The following CNTN4 variants were observed in gnomAD, a reference collection of about 807,000 sequenced individuals.
CNTN4 encodes the protein contactin 4.
In CNTN4, 77 loss-of-function variants were observed where a neutral mutation model predicts 122.5. The observed-to-expected ratio is 0.63, with a 90% confidence interval of 0.52 to 0.76. The LOEUF (loss-of-function observed/expected upper bound fraction) is 0.76, where lower values mean the gene tolerates loss of function less well. CNTN4 is among the 30% of genes least tolerant of loss of function. The probability of loss-of-function intolerance (pLI) is 0.00; values close to 1 mark genes in which losing one functional copy is unlikely to be tolerated. For missense variants in CNTN4, 1,256 were observed against 1,259.1 expected (o/e 1.00, Z 0.04); for synonymous variants, 512 against 447.0 (o/e 1.15, Z -1.83).
In CNTN4 at chr3:2,869,292, T is replaced by G. The variant is rs373936677; in HGVS notation, c.652+2343T>G. Among the ~76,000 whole-genome samples, 6 of 152,008 alleles carry G rather than the reference T, an allele frequency of 3.9e-5. No homozygotes were observed. In the East Asian group the frequency reaches 9.6e-4, roughly 24 times the overall value. On this transcript the variant is annotated intron_variant, in intron 8 of 24. Coordinates refer to ENST00000418658, the MANE Select transcript of CNTN4 (RefSeq NM_175607.3). The stretch of plus-strand genomic sequence containing the variant: ...ACTGGAAATCCAATCAGAATACTAC[T>G]GCAATTAATTCAGTTGGGAAATGAT...
intron 2 of CNTN4, among the ~76,000 whole-genome samples, chr3:2,291,925 G>A (rs868668741): frequency 2.0e-5 from 3 of 151,954 alleles, no homozygotes; most frequent in Non-Finnish European, 4.4e-5. Context: ...TAGTGGAGAT[G>A]GGGTTTCACC....
intron 13 of CNTN4, among the ~76,000 whole-genome samples, chr3:2,949,486 G>A (rs1470817206): frequency 2.0e-5 from 3 of 152,150 alleles, no homozygotes; most frequent in African/African-American, 7.2e-5. Flanking sequence ...TTTTTTCAGT[G>A]CCAAGTGCTC....
chr3:2,318,168 C>A (rs2043172475), intron 2 of CNTN4, among the ~76,000 whole-genome samples: 1 of 147,998 alleles, frequency 6.8e-6, no homozygotes, highest in Non-Finnish European at 1.5e-5. Flanking sequence ...GTGATGATTG[C>A]AACTGTGAAT....
intron 3 of CNTN4, among the ~76,000 whole-genome samples, chr3:2,340,685 TTATATATA>T (rs373402290): frequency 6.8e-4 from 20 of 29,622 alleles, no homozygotes; most frequent in East Asian, 2.5e-3. Flanking sequence ...GTCATAAATT[TTATATATA>T]TATATATATA....
intron 2 of CNTN4, among the ~76,000 whole-genome samples, chr3:2,224,550 T>C (rs2039193165): frequency 6.6e-6 from 1 of 152,204 alleles, no homozygotes; most frequent in Admixed American, 6.5e-5. Flanking sequence ...TCATATATTT[T>C]TGCCATGAGT....
At chr3:2,122,652 G>T (rs1053920411) in intron 2 of CNTN4, among the ~76,000 whole-genome samples, 1 of 152,134 alleles carries the variant, frequency 6.6e-6, no homozygotes, top group African/African-American at 2.4e-5. Flanking sequence ...ATACTGTATT[G>T]TACATTTAAA....
chr3:3,038,872 C>T, intron 18 of CNTN4, 61 bp from the exon 19 acceptor site: 1 of 1,435,532 alleles, frequency 7.0e-7, no homozygotes, highest in Non-Finnish European at 9.8e-7. Context: ...GCCAGGCAAC[C>T]TTCCTGGCCC....
chr3:2,559,892 G>A (rs1354077846), intron 3 of CNTN4, among the ~76,000 whole-genome samples: 1 of 152,160 alleles, frequency 6.6e-6, no homozygotes, highest in Non-Finnish European at 1.5e-5. Context: ...CATGATAGCA[G>A]GACTGAACTT....
At chr3:2,516,844 G>A (rs1001958570) in intron 3 of CNTN4, among the ~76,000 whole-genome samples, 4 of 152,046 alleles carry the variant, frequency 2.6e-5, no homozygotes, top group Non-Finnish European at 5.9e-5. Context: ...TGGCACAGGG[G>A]ACTAAAGGAG....
intron 2 of CNTN4, among the ~76,000 whole-genome samples, chr3:2,327,813 T>A (rs538635873): frequency 6.6e-6 from 1 of 152,240 alleles, no homozygotes; most frequent in Non-Finnish European, 1.5e-5. Context: ...TCATGTAGAA[T>A]CTCCTGTTTC....
At chr3:2,552,490 A>G (rs1376267663) in intron 3 of CNTN4, among the ~76,000 whole-genome samples, 2 of 152,212 alleles carry the variant, frequency 1.3e-5, no homozygotes, top group Non-Finnish European at 2.9e-5. Context: ...AGCAAAATTT[A>G]AAAACATGTG....
chr3:2,616,858 T>C (rs1329550467), intron 4 of CNTN4, among the ~76,000 whole-genome samples: 3 of 152,128 alleles, frequency 2.0e-5, no homozygotes, highest in African/African-American at 7.2e-5. Context: ...CCATTTGATC[T>C]TCAACAAACC....
chr3:2,650,758 A>G (rs1351613106), intron 4 of CNTN4, among the ~76,000 whole-genome samples: 4 of 152,188 alleles, frequency 2.6e-5, no homozygotes, highest in Non-Finnish European at 5.9e-5. Context: ...ATTTTAAGTT[A>G]TGTACATTGT....
chr3:2,612,107 T>TACACACACACACACAC (rs58025362), intron 4 of CNTN4, among the ~76,000 whole-genome samples: 4 of 150,106 alleles, frequency 2.7e-5, no homozygotes. Context: ...ATACATATAA[T>TACACACACACACACAC]ACACACACAC....
chr3:2,994,242 A>T (rs976664249), intron 14 of CNTN4, among the ~76,000 whole-genome samples: 12 of 151,608 alleles, frequency 7.9e-5, no homozygotes, highest in African/African-American at 2.7e-4. Context: ...TTTTATTTTG[A>T]AATTGACTAT....
chr3:2,443,989 C>A (rs1287010528), intron 3 of CNTN4, among the ~76,000 whole-genome samples: 1 of 152,026 alleles, frequency 6.6e-6, no homozygotes, highest in Non-Finnish European at 1.5e-5. Context: ...GTCAGGAAAC[C>A]CTTTTTAACC....
chr3:2,639,629 G>A (rs920644369), intron 4 of CNTN4, among the ~76,000 whole-genome samples: 22 of 152,148 alleles, frequency 1.4e-4, no homozygotes, highest in African/African-American at 5.1e-4. Context: ...TGAGAATAGT[G>A]CCTGGCACAC....
At chr3:2,990,713 C>G (rs539297771) in intron 14 of CNTN4, among the ~76,000 whole-genome samples, 3 of 152,112 alleles carry the variant, frequency 2.0e-5, no homozygotes, top group Non-Finnish European at 2.9e-5. Context: ...GGATTAAATA[C>G]GTTATAGTTG....
chr3:2,316,267 A>G (rs1032913941), intron 2 of CNTN4, among the ~76,000 whole-genome samples: 11 of 152,086 alleles, frequency 7.2e-5, no homozygotes, highest in African/African-American at 2.4e-4. Flanking sequence ...TGATCTCTAT[A>G]TATTAATTCA....
Sources: gnomAD v4.1 joint callset for allele counts (sites outside exome capture counted in the v4.1 genomes callset) on GRCh38, gnomAD v4.1.1 for gene constraint, MANE v1.5 for transcripts, NCBI Gene and HGNC (gene_info 2026-07-23, HGNC 2026-07-21) for gene names.